The following GUCA1A variants were observed in gnomAD, a reference collection of about 807,000 sequenced individuals.
GUCA1A encodes guanylate cyclase activator 1A.
Under a neutral mutation model 18.5 loss-of-function variants are expected in GUCA1A, and 14 were observed. That is an observed-to-expected ratio of 0.76 (90% CI 0.50 to 1.18). GUCA1A has a LOEUF of 1.18. GUCA1A is among the 50% of genes most tolerant of loss of function. The pLI, the probability that GUCA1A is intolerant of heterozygous loss-of-function variation, is 0.00. For missense variants in GUCA1A, 264 were observed against 262.4 expected (o/e 1.01, Z -0.04); for synonymous variants, 97 against 100.2 (o/e 0.97, Z 0.19).
chr6:42,173,887 G>A, intron 1 of GUCA1A, 73 bp downstream of exon 1: 1 of 1,122,850 alleles, frequency 8.9e-7, no homozygotes, highest in Admixed American at 1.7e-5. Flanking sequence ...AGCTGGGGGT[G>A]AGGAAGAGCA....
intron 3 of GUCA1A, 61 bp from the exon 4 acceptor site, chr6:42,179,182 G>C: frequency 6.7e-7 from 1 of 1,497,888 alleles, no homozygotes; most frequent in Non-Finnish European, 9.3e-7. Flanking sequence ...ACCCGGTTCT[G>C]TGCTCTGGAC....
In GUCA1A at chr6:42,178,371, T is replaced by G. The variant is rs779696003; in HGVS notation, c.293T>G (p.Leu98Arg). The G allele has an allele frequency of 8.7e-6, 14 of 1,613,806 alleles. No individual in the cohort carries two copies. The African/African-American group carries it at 1.7e-4, about 20-fold the overall frequency. ...VEQKLRWYFKLYDVDGNGCID... is the reference protein window; with the variant it reads ...VEQKLRWYFKRYDVDGNGCID... ...CAGAAGCTCCGCTGGTACTTCAAGC[T>G]CTATGATGTAGATGGCAACGGCTGC... The change falls in exon 2 of 4, where the codon CTC (leucine) becomes CGC (arginine). Residue 98 changes from leucine to arginine, a missense_variant. Transcript: ENST00000372958.
Position 42,179,356 on chromosome 6 carries a change from G to C in GUCA1A, c.559G>C (p.Glu187Gln). The change falls in exon 4 of 4, where the codon GAG (glutamate) becomes CAG (glutamine). Residue 187 changes from glutamate (E) to glutamine (Q), a missense_variant. Glu to Gln is a conservative substitution (Grantham distance 29, BLOSUM62 2). Coordinates refer to ENST00000372958, the MANE Select transcript of GUCA1A (RefSeq NM_001384910.1). ...CATCGTGCGCAGGCTCCAGAATGGCGAGCAAGACGAGGAGGGGGCTGACGA... is the reference window on the plus strand; with the variant it reads ...CATCGTGCGCAGGCTCCAGAATGGCCAGCAAGACGAGGAGGGGGCTGACGA... ...TRIVRRLQNG[E>Q]QDEEGADEAA... The C allele has an allele frequency of 1.2e-6, 2 of 1,612,198 alleles. No individual in the cohort carries two copies. The highest frequency in any genetic ancestry group is 1.7e-6 in the Non-Finnish European group (2 of 1,178,908).
At chr6:42,173,931 C>T in intron 1 of GUCA1A, 117 bp downstream of exon 1, 2 of 750,102 alleles carry the variant, frequency 2.7e-6, no homozygotes, top group Non-Finnish European at 4.7e-6. Flanking sequence ...TGGGGAGCAA[C>T]TTCATTTATA....
At position 42,178,853 on chromosome 6, in the gene GUCA1A, T is replaced by A; in HGVS notation, c.403T>A (p.Phe135Ile). Residue 135 changes from phenylalanine (F) to isoleucine (I), a missense_variant, in exon 3 of 4, where the codon TTC (phenylalanine) becomes ATC (isoleucine). Phe to Ile is a conservative substitution (Grantham distance 21, BLOSUM62 0). Transcript: ENST00000372958. ...CGATACCACCATGACTGCAGAGGAGTTCACCGATACAGTGTTCTCCAAGAT... is the reference window on the plus strand; with the variant it reads ...CGATACCACCATGACTGCAGAGGAGATCACCGATACAGTGTTCTCCAAGAT... ...CSDTTMTAEE[F>I]TDTVFSKIDV... 1 of 1,613,522 alleles carries A rather than the reference T, an allele frequency of 6.2e-7. No individual in the cohort carries two copies. Among genetic ancestry groups the A allele is most frequent in the East Asian group, 2.2e-5 (1 of 44,846 alleles).
chr6:42,179,334 C>G lies in GUCA1A; in HGVS notation c.537C>G (p.Ile179Met). 1.2e-6 allele frequency: 2 copies of G among 1,613,734 alleles called. No homozygotes were observed. Among genetic ancestry groups the G allele is most frequent in the African/African-American group, 2.7e-5 (2 of 75,028 alleles). ...CACGAAGCCTGGACCTTACCCGCAT[C>G]GTGCGCAGGCTCCAGAATGGCGAGC... is the stretch of plus-strand genomic sequence containing the variant. Reference protein sequence around the residue: ...TLTRSLDLTRIVRRLQNGEQD... With the variant: ...TLTRSLDLTRMVRRLQNGEQD... Residue 179 changes from isoleucine (I) to methionine (M), a missense_variant, in exon 4 of 4, where the codon ATC becomes ATG. Transcript: ENST00000372958.
intron 1 of GUCA1A, among the ~76,000 whole-genome samples, chr6:42,175,503 T>C (rs1767934277): frequency 6.6e-6 from 1 of 152,002 alleles, no homozygotes; most frequent in East Asian, 1.9e-4. Context: ...TAGCTGGGAT[T>C]ACAGGCACCC....
chr6:42,178,331 A>C lies in GUCA1A; in HGVS notation c.253A>C (p.Lys85Gln), dbSNP rs777588614. Residue 85 changes from lysine to glutamine, a missense_variant, in exon 2 of 4, where the codon AAG becomes CAG. By Grantham distance (53) the Lys-to-Gln change is moderately conservative. Coordinates refer to ENST00000372958, the MANE Select transcript of GUCA1A (RefSeq NM_001384910.1). ...CGTGGCAGCGCTCAGCTTGGTCCTCAAGGGGAAGGTGGAACAGAAGCTCCG... is the reference window on the plus strand; with the variant it reads ...CGTGGCAGCGCTCAGCTTGGTCCTCCAGGGGAAGGTGGAACAGAAGCTCCG... ...EYVAALSLVLKGKVEQKLRWY... is the reference protein window; with the variant it reads ...EYVAALSLVLQGKVEQKLRWY... The C allele has an allele frequency of 2.5e-6, 4 of 1,614,100 alleles. No homozygotes were observed. The South Asian group carries it at 4.4e-5, about 18-fold the overall frequency.
intron 1 of GUCA1A, among the ~76,000 whole-genome samples, chr6:42,177,070 C>T (rs1013598006): frequency 2.6e-5 from 4 of 152,110 alleles, no homozygotes; most frequent in Non-Finnish European, 5.9e-5. Flanking sequence ...GGGAGTGAAA[C>T]CTGGGGGACA....
Position 42,173,646 on chromosome 6 carries a change from G to C in GUCA1A, c.33G>C (p.Glu11Asp). The C allele has an allele frequency of 6.2e-7, 1 of 1,614,180 alleles. No individual in the cohort carries two copies. The highest frequency in any genetic ancestry group is 8.5e-7 in the Non-Finnish European group (1 of 1,179,996). MGNVMEGKSV[E>D]ELSSTECHQW... is the part of the protein sequence containing the mutation. ...ACGTGATGGAGGGAAAGTCAGTGGAGGAGCTGAGCAGCACCGAGTGCCACC... is the reference window on the plus strand; with the variant it reads ...ACGTGATGGAGGGAAAGTCAGTGGACGAGCTGAGCAGCACCGAGTGCCACC... Residue 11 changes from glutamate (E) to aspartate (D), a missense_variant, in exon 1 of 4, where the codon GAG (glutamate) becomes GAC (aspartate). Coordinates refer to ENST00000372958, the MANE Select transcript of GUCA1A (RefSeq NM_001384910.1).
chr6:42,173,504 C>T lies in GUCA1A; in HGVS notation c.-110C>T, dbSNP rs561854550. The T allele has an allele frequency of 1.7e-5, 14 of 827,394 alleles. No individual in the cohort carries two copies. The highest frequency in any genetic ancestry group is 7.5e-5 in the Admixed American group (4 of 53,114). 51.3% of individuals were successfully genotyped at this position (827,394 alleles called of 1,614,324 possible). On this transcript the variant is annotated 5_prime_UTR_variant, in exon 1 of 4. Transcript: ENST00000372958. ...CCCTTCTTTGCTCAGGCCTGAAGGA[C>T]TCAGGCCTGTGAGAGAGGACGGCCC...
chr6:42,177,008 T>A (rs896454119), intron 1 of GUCA1A, among the ~76,000 whole-genome samples: 1 of 152,182 alleles, frequency 6.6e-6, no homozygotes, highest in African/African-American at 2.4e-5. Flanking sequence ...AATGGTTGTA[T>A]CTTTGGGTAT....
At position 42,175,360 on chromosome 6, in the gene GUCA1A, T is replaced by G. The variant is rs1235988047; in HGVS notation, c.201+1546T>G. Reference sequence around the variant, plus strand: ...GTATTTGCCTAATCATGTCTTTTTTTTTTTTTTTTTTTTTTTTTGAGATGG... The same window carrying G: ...GTATTTGCCTAATCATGTCTTTTTTGTTTTTTTTTTTTTTTTTTGAGATGG... On this transcript the variant is annotated intron_variant, in intron 1 of 3. Coordinates refer to ENST00000372958, the MANE Select transcript of GUCA1A (RefSeq NM_001384910.1). Among the ~76,000 whole-genome samples the G allele has an allele frequency of 3.5e-5, 4 of 113,726 alleles. No individual in the cohort carries two copies. In the South Asian group the frequency reaches 1.1e-3, roughly 31 times the overall value. 74.6% of individuals were successfully genotyped at this position (113,726 alleles called of 152,430 possible).
At position 42,173,779 on chromosome 6, in the gene GUCA1A, G is replaced by C. The variant is rs759101140; in HGVS notation, c.166G>C (p.Val56Leu). The C allele has an allele frequency of 6.2e-7, 1 of 1,614,076 alleles. No individual in the cohort carries two copies. Among genetic ancestry groups the C allele is most frequent in the Admixed American group, 1.7e-5 (1 of 60,016 alleles). ...CCTGAGCCCGTCGGCCAGCCAGTACGTGGAACAGATGTTTGAGACTTTTGA... is the reference window on the plus strand; with the variant it reads ...CCTGAGCCCGTCGGCCAGCCAGTACCTGGAACAGATGTTTGAGACTTTTGA... ...KNLSPSASQY[V>L]EQMFETFDFN... Residue 56 changes from valine to leucine, a missense_variant, in exon 1 of 4, where the codon GTG becomes CTG. Physicochemically the swap from Val to Leu is conservative, Grantham distance 32. Transcript: ENST00000372958.
rs1768023346 is a variant in GUCA1A, at chr6:42,178,523, C to T, written c.351+94C>T. On this transcript the variant is annotated intron_variant, in intron 2 of 3. Transcript: ENST00000372958. ...TAGAACAACAATCTCAGGATTGAGA[C>T]AGGATGTGGGACTGAGGATCCTGGT... is the stretch of plus-strand genomic sequence containing the variant. 7.3e-6 allele frequency: 9 copies of T among 1,229,952 alleles called. No homozygotes were observed. The East Asian group carries it at 1.2e-4, about 16-fold the overall frequency. The allele number at this position is 1,229,952 out of a possible 1,614,324, so 76.2% of individuals were successfully genotyped here.
intron 3 of GUCA1A, 76 bp downstream of exon 3, chr6:42,178,971 A>G (rs2113838548): frequency 3.5e-6 from 4 of 1,158,044 alleles, no homozygotes. Flanking sequence ...GAAGGTCACT[A>G]AAGGAGAGGG....
Position 42,179,274 on chromosome 6 carries a change from C to T in GUCA1A, c.477C>T (p.Gly159=). 2 of 1,613,532 alleles carry T rather than the reference C, an allele frequency of 1.2e-6. No homozygotes were observed. Among genetic ancestry groups the T allele is most frequent in the Non-Finnish European group, 8.5e-7 (1 of 1,179,482 alleles). ...GELSLEEFIE[G]VQKDQMLLDT... ...TCTCCCTGGAAGAGTTTATAGAGGG[C>T]GTCCAGAAGGACCAGATGCTCCTGG... Residue 159 remains glycine (G), a synonymous_variant, in exon 4 of 4, where the codon GGC becomes GGT. Coordinates refer to ENST00000372958, the MANE Select transcript of GUCA1A (RefSeq NM_001384910.1).
chr6:42,176,489 A>T (rs928032761), intron 1 of GUCA1A, among the ~76,000 whole-genome samples: 6 of 152,128 alleles, frequency 3.9e-5, no homozygotes, highest in Admixed American at 2.6e-4. Context: ...GCTGGAGTGC[A>T]ATGGCACGAT....
At chr6:42,179,131 G>A in intron 3 of GUCA1A, 112 bp from the exon 4 acceptor site, 4 of 1,072,016 alleles carry the variant, frequency 3.7e-6, no homozygotes, top group South Asian at 2.5e-5. Flanking sequence ...CAGGGGCTCT[G>A]ACTTCTCCTC....
Sources: gnomAD v4.1 joint callset for allele counts (sites outside exome capture counted in the v4.1 genomes callset) on GRCh38, gnomAD v4.1.1 for gene constraint, MANE v1.5 for transcripts, NCBI Gene and HGNC (gene_info 2026-07-23, HGNC 2026-07-21) for gene names.